The following GRM8 variants were observed in gnomAD, a reference collection of about 807,000 sequenced individuals.
GRM8 encodes glutamate metabotropic receptor 8.
A neutral mutation model predicts 87.2 loss-of-function variants in GRM8; 47 were observed. The observed-to-expected ratio is 0.54, with a 90% CI of 0.43 to 0.69. GRM8 has a LOEUF of 0.69. GRM8 is among the 30% of genes least tolerant of loss of function. The probability of loss-of-function intolerance (pLI) is 0.00; values close to 1 mark genes in which losing one functional copy is unlikely to be tolerated. For missense variants in GRM8, 1,019 were observed against 1,139.2 expected (o/e 0.89, Z 1.52); for synonymous variants, 396 against 404.5 (o/e 0.98, Z 0.25).
rs777517253 is a variant in GRM8 at position 126,902,656 on chromosome 7, G to A, written c.1042C>T (p.Arg348Ter). The A allele has an allele frequency of 8.1e-6, 13 of 1,604,402 alleles. No homozygotes were observed. Among genetic ancestry groups the A allele is most frequent in the East Asian group, 2.2e-5 (1 of 44,752 alleles). Reference protein sequence around the residue: ...IDGFDRYFRSRTLANNRRNVW... With the variant: ...IDGFDRYFRS Reference sequence around the variant, plus strand: ...TTTCTTCGATTATTGGCAAGAGTTCGGCTTCTAAAGTATCGATCAAATCCT... The same window carrying A: ...TTTCTTCGATTATTGGCAAGAGTTCAGCTTCTAAAGTATCGATCAAATCCT... Residue 348 changes from arginine (R) to a stop codon, truncating the protein, a stop_gained, in exon 6 of 11, where the codon CGA becomes TGA. Coordinates refer to ENST00000339582, the MANE Select transcript of GRM8 (RefSeq NM_000845.3). LOFTEE classifies it high-confidence loss of function.
chr7:126,607,220 T>G (rs7458603), intron 8 of GRM8, among the ~76,000 whole-genome samples: 13 of 152,338 alleles, frequency 8.5e-5, no homozygotes, highest in African/African-American at 3.1e-4. Context: ...ATGGATAAGA[T>G]TTCATGAAGC....
chr7:126,730,610 T>C lies in GRM8; in HGVS notation c.1357+39255A>G, dbSNP rs17150156. Among the ~76,000 whole-genome samples the C allele has an allele frequency of 3.7e-3, 570 of 152,238 alleles. 2 individuals carry two copies. Among genetic ancestry groups the C allele is most frequent in the African/African-American group, 0.013 (548 of 41,558 alleles). On this transcript the variant is annotated intron_variant, in intron 7 of 10. Transcript: ENST00000339582. ...CAAGTAGCTAAGGGGCACTAACCTG[T>C]ATCTGTGGAAGAATGAGGCAGGATA...
At chr7:126,504,142 A>G (rs1055340193) in intron 9 of GRM8, among the ~76,000 whole-genome samples, 1 of 152,002 alleles carries the variant, frequency 6.6e-6, no homozygotes, top group Non-Finnish European at 1.5e-5. Context: ...AGACACTTTC[A>G]AAAGCCATTT....
intron 2 of GRM8, among the ~76,000 whole-genome samples, chr7:127,122,840 T>A (rs1159669179): frequency 6.6e-6 from 1 of 152,088 alleles, no homozygotes; most frequent in East Asian, 1.9e-4. Flanking sequence ...AAAGACTTTT[T>A]GGGAGAGGGA....
chr7:126,748,841 T>C (rs1438621006), intron 7 of GRM8, among the ~76,000 whole-genome samples: 1 of 152,102 alleles, frequency 6.6e-6, no homozygotes, highest in Non-Finnish European at 1.5e-5. Flanking sequence ...CTTACACATA[T>C]GTATTCAACT....
intron 2 of GRM8, among the ~76,000 whole-genome samples, chr7:127,235,960 TCCTTTCATACTATGTATTG>T (rs1435256603): frequency 6.8e-6 from 1 of 146,736 alleles, no homozygotes; most frequent in Non-Finnish European, 1.5e-5. Flanking sequence ...AAGTGGACTT[TCCTTTCATACTATGTATTG>T]CTTAAACCTT....
intron 7 of GRM8, among the ~76,000 whole-genome samples, chr7:126,659,186 G>C (rs1804878576): frequency 1.3e-5 from 2 of 151,948 alleles, no homozygotes; most frequent in Admixed American, 1.3e-4. Flanking sequence ...CAGCCTTCCA[G>C]GAATGTTTCC....
At chr7:127,012,845 A>G (rs1343353303) in intron 3 of GRM8, among the ~76,000 whole-genome samples, 2 of 152,172 alleles carry the variant, frequency 1.3e-5, no homozygotes, top group Non-Finnish European at 2.9e-5. Flanking sequence ...GAAGATTTCC[A>G]TTGTTTCTAT....
At chr7:126,751,288 C>A (rs1345910849) in intron 7 of GRM8, among the ~76,000 whole-genome samples, 5 of 125,570 alleles carry the variant, frequency 4.0e-5, no homozygotes, top group Non-Finnish European at 9.6e-5. Flanking sequence ...TGTATGGCTT[C>A]TTTTTTGAAA....
intron 9 of GRM8, among the ~76,000 whole-genome samples, chr7:126,507,220 G>A (rs138786718): frequency 1.4e-3 from 207 of 152,210 alleles, no homozygotes; most frequent in African/African-American, 4.8e-3. Context: ...GTGGCAATAT[G>A]CTTTCTGATA....
intron 2 of GRM8, chr7:127,219,680 C>T (rs913828653): frequency 6.6e-6 from 1 of 152,240 alleles, no homozygotes; most frequent in Admixed American, 6.5e-5. Context: ...AAGTGATGTT[C>T]CTGCCCAGGC....
intron 6 of GRM8, among the ~76,000 whole-genome samples, chr7:126,796,030 A>G (rs898916972): frequency 6.6e-6 from 1 of 152,150 alleles, no homozygotes; most frequent in Admixed American, 6.6e-5. Context: ...TTTCCTTAAT[A>G]TACATGAGTT....
intron 9 of GRM8, among the ~76,000 whole-genome samples, chr7:126,494,477 T>A (rs1278834459): frequency 6.6e-6 from 1 of 152,038 alleles, no homozygotes; most frequent in Non-Finnish European, 1.5e-5. Context: ...AGTCTTGATG[T>A]TAATCATTTA....
intron 5 of GRM8, among the ~76,000 whole-genome samples, 183 bp downstream of exon 5, chr7:126,903,775 GTATATATATATATA>G (rs544721638): frequency 5.0e-4 from 44 of 87,670 alleles, no homozygotes; most frequent in African/African-American, 1.8e-3. Flanking sequence ...ATGTGTGTGT[GTATATATATATATA>G]TATATATATA....
At chr7:126,920,337 ACT>A (rs1483025042) in intron 3 of GRM8, among the ~76,000 whole-genome samples, 5 of 152,188 alleles carry the variant, frequency 3.3e-5, no homozygotes, top group African/African-American at 1.2e-4. Context: ...GAGCTAAAAC[ACT>A]CTAATTCCTC....
At chr7:126,819,267 G>GACACATATACACAC (rs1794072517) in intron 6 of GRM8, among the ~76,000 whole-genome samples, 3 of 54,862 alleles carry the variant, frequency 5.5e-5, no homozygotes, top group Admixed American at 1.8e-4. Context: ...TATTCAGACA[G>GACACATATACACAC]ACACACATAC....
intron 7 of GRM8, among the ~76,000 whole-genome samples, chr7:126,739,463 TATAA>T (rs1419027326): frequency 1.3e-5 from 2 of 151,892 alleles, no homozygotes; most frequent in African/African-American, 2.4e-5. Flanking sequence ...ATTAGTAAAG[TATAA>T]ATAAATATGT....
At chr7:126,657,958 G>A (rs2151270835) in intron 7 of GRM8, among the ~76,000 whole-genome samples, 2 of 152,350 alleles carry the variant, frequency 1.3e-5, no homozygotes, top group Middle Eastern at 3.4e-3. Flanking sequence ...CTAAAATTAA[G>A]TAAAGAGATG....
chr7:126,622,428 C>T (rs189538167), intron 7 of GRM8, among the ~76,000 whole-genome samples: 59 of 152,224 alleles, frequency 3.9e-4, no homozygotes, highest in Admixed American at 5.9e-4. Flanking sequence ...CCTGTCATTC[C>T]GGCTTGCTTC....
Sources: gnomAD v4.1 joint callset for allele counts (sites outside exome capture counted in the v4.1 genomes callset) on GRCh38, gnomAD v4.1.1 for gene constraint, MANE v1.5 for transcripts, NCBI Gene and HGNC (gene_info 2026-07-23, HGNC 2026-07-21) for gene names.